Variants in DOCK2 observed in about 807,000 individuals in gnomAD.
DOCK2 encodes dedicator of cytokinesis protein 2.
Under a neutral mutation model 248.9 loss-of-function variants are expected in DOCK2, and 87 were observed. The observed-to-expected ratio is 0.35, with a 90% CI of 0.29 to 0.42. The LOEUF is 0.42. Ranked by LOEUF, DOCK2 falls within the 10% of genes least tolerant of loss-of-function variation. The pLI is 1.00. For synonymous variants in DOCK2, 805 were observed against 821.6 expected (o/e 0.98, Z 0.35); for missense variants, 1,747 against 2,300.2 (o/e 0.76, Z 4.92).
chr5:169,850,626 G>A (rs1463138291), intron 27 of DOCK2, among the ~76,000 whole-genome samples: 1 of 152,178 alleles, frequency 6.6e-6, no homozygotes, highest in Admixed American at 6.5e-5. Flanking sequence ...TAGCTTGGTT[G>A]CAGCTTAATA....
chr5:169,823,052 C>T (rs1047667524), intron 26 of DOCK2, among the ~76,000 whole-genome samples: 1 of 152,190 alleles, frequency 6.6e-6, no homozygotes, highest in African/African-American at 2.4e-5. Flanking sequence ...TACATACACC[C>T]TCCCAAGACT....
At chr5:169,667,852 A>C (rs1452355233) in intron 2 of DOCK2, among the ~76,000 whole-genome samples, 1 of 152,240 alleles carries the variant, frequency 6.6e-6, no homozygotes, top group Non-Finnish European at 1.5e-5. Context: ...AGTTATTGAC[A>C]AATAATTAGA....
intron 6 of DOCK2, among the ~76,000 whole-genome samples, chr5:169,674,831 G>C (rs1759245099): frequency 6.6e-6 from 1 of 152,174 alleles, no homozygotes; most frequent in Non-Finnish European, 1.5e-5. Flanking sequence ...CCATCCTAAA[G>C]TAGCCAACCC....
intron 26 of DOCK2, among the ~76,000 whole-genome samples, chr5:169,828,299 T>C (rs1383476124): frequency 1.3e-5 from 2 of 152,268 alleles, no homozygotes; most frequent in Admixed American, 6.5e-5. Context: ...TTGCTAGTAG[T>C]TTTTCTAAAG....
intron 27 of DOCK2, among the ~76,000 whole-genome samples, chr5:169,952,891 G>A (rs1347843980): frequency 2.6e-5 from 4 of 152,190 alleles, no homozygotes; most frequent in African/African-American, 9.7e-5. Flanking sequence ...GCAGAAGTCT[G>A]GGACAGTGGA....
intron 25 of DOCK2, among the ~76,000 whole-genome samples, chr5:169,776,059 T>G (rs755718430): frequency 4.6e-4 from 70 of 151,906 alleles, no homozygotes; most frequent in Middle Eastern, 3.4e-3. Context: ...ATGTATAAAA[T>G]GTCCATGATC....
chr5:169,690,708 A>G (rs1408617993), intron 9 of DOCK2, among the ~76,000 whole-genome samples: 1 of 152,236 alleles, frequency 6.6e-6, no homozygotes, highest in Non-Finnish European at 1.5e-5. Context: ...GAGGGAGAAG[A>G]ACGGGGAATC....
intron 27 of DOCK2, among the ~76,000 whole-genome samples, chr5:169,861,663 A>G (rs1156747062): frequency 6.6e-6 from 1 of 152,252 alleles, no homozygotes; most frequent in Non-Finnish European, 1.5e-5. Flanking sequence ...AGTGATTTTC[A>G]CATGAATAAG....
intron 27 of DOCK2, among the ~76,000 whole-genome samples, chr5:169,873,687 C>T (rs1772125096): frequency 2.0e-5 from 3 of 152,202 alleles, no homozygotes. Context: ...ACCCATAGGA[C>T]TGAGTGCATA....
intron 2 of DOCK2, among the ~76,000 whole-genome samples, chr5:169,658,980 C>CATCATTATT (rs1386749422): frequency 7.3e-6 from 1 of 136,260 alleles, no homozygotes; most frequent in Admixed American, 7.5e-5. Flanking sequence ...TACAAGACTG[C>CATCATTATT]ATTATTATTA....
intron 25 of DOCK2, among the ~76,000 whole-genome samples, chr5:169,777,205 T>C (rs1375513280): frequency 6.6e-6 from 1 of 152,180 alleles, no homozygotes; most frequent in East Asian, 1.9e-4. Context: ...TTCCTCCCTG[T>C]GTGATAGACT....
At chr5:169,716,133 G>A (rs1761901857) in intron 19 of DOCK2, 80 bp from the exon 20 acceptor site, 1 of 1,233,434 alleles carries the variant, frequency 8.1e-7, no homozygotes. Flanking sequence ...TTCTCTTATA[G>A]ATAGTTAGGA....
chr5:169,910,412 G>A (rs780815275), intron 27 of DOCK2, among the ~76,000 whole-genome samples: 16 of 152,156 alleles, frequency 1.1e-4, no homozygotes, highest in Non-Finnish European at 1.6e-4. Flanking sequence ...CCCCCTCAGT[G>A]CTGATTTATT....
At chr5:170,039,887 C>T (rs1454389432) in intron 36 of DOCK2, among the ~76,000 whole-genome samples, 2 of 152,206 alleles carry the variant, frequency 1.3e-5, no homozygotes, top group Non-Finnish European at 2.9e-5. Flanking sequence ...TATCCCCTCA[C>T]CACATTACTT....
chr5:170,042,162 G>T, intron 38 of DOCK2, 30 bp downstream of exon 38: 1 of 1,582,568 alleles, frequency 6.3e-7, no homozygotes, highest in East Asian at 2.3e-5. Flanking sequence ...CCCCCGTGGG[G>T]ACCCTGGCCA....
chr5:169,708,519 C>A (rs937903598), intron 15 of DOCK2, among the ~76,000 whole-genome samples: 1 of 152,056 alleles, frequency 6.6e-6, no homozygotes, highest in Non-Finnish European at 1.5e-5. Context: ...CTGTGCTCAT[C>A]CCCGCAAGCT....
At chr5:169,933,039 C>T (rs1775829000) in intron 27 of DOCK2, among the ~76,000 whole-genome samples, 1 of 152,226 alleles carries the variant, frequency 6.6e-6, no homozygotes, top group Non-Finnish European at 1.5e-5. Flanking sequence ...CAGGTATTGG[C>T]AGGCAAAATT....
At chr5:169,637,447 C>T (rs545939780) in intron 1 of DOCK2, 78 bp downstream of exon 1, 39 of 1,279,514 alleles carry the variant, frequency 3.0e-5, no homozygotes, top group Middle Eastern at 3.0e-4. Context: ...GCTGCGGGGC[C>T]GGCGGCGCGG....
intron 42 of DOCK2, among the ~76,000 whole-genome samples, chr5:170,055,606 A>G (rs532889573): frequency 6.6e-6 from 1 of 152,372 alleles, no homozygotes; most frequent in East Asian, 1.9e-4. Flanking sequence ...AGCCAGGGTT[A>G]TGGCTCAGCA....
Sources: gnomAD v4.1 joint callset for allele counts (sites outside exome capture counted in the v4.1 genomes callset) on GRCh38, gnomAD v4.1.1 for gene constraint, MANE v1.5 for transcripts, NCBI Gene and HGNC (gene_info 2026-07-23, HGNC 2026-07-21) for gene names.